MAP7: variants seen among roughly 807,000 people sequenced by gnomAD.
MAP7 encodes the protein microtubule associated protein 7, also known as ensconsin.
In MAP7, 52 loss-of-function variants were observed where a neutral mutation model predicts 94.8. The observed-to-expected ratio is 0.55, with a 90% CI of 0.44 to 0.69. MAP7 has a LOEUF of 0.69. Among genes scored for constraint, MAP7 ranks in the 30% least tolerant of loss-of-function variants. The pLI is 0.00. For synonymous variants in MAP7, 350 were observed against 357.0 expected (o/e 0.98, Z 0.22); for missense variants, 940 against 964.6 (o/e 0.97, Z 0.34).
intron 1 of MAP7, among the ~76,000 whole-genome samples, chr6:136,465,126 C>T (rs1015586598): frequency 5.3e-5 from 8 of 152,116 alleles, no homozygotes; most frequent in Admixed American, 1.3e-4. Context: ...GAGGACAGCT[C>T]CCCCTGCACC....
Position 136,495,453 on chromosome 6 carries a change from T to TACAC in MAP7, c.67+54885_67+54888dup, listed in dbSNP as rs55923280. Among the ~76,000 whole-genome samples, 1,717 of 143,012 alleles carry TACAC rather than the reference T, an allele frequency of 0.012. 52 individuals carry two copies. The East Asian group carries it at 0.13, about 11-fold the overall frequency. The allele number at this position is 143,012 out of a possible 152,430, so 93.8% of individuals were successfully genotyped here. A position where few individuals can be genotyped will look rare whatever the true frequency, so the allele number is the denominator to read the frequency against. On this transcript the variant is annotated intron_variant, in intron 1 of 17. Transcript: ENST00000354570. Reference sequence around the variant, plus strand: ...TCATGACAAGTGAGAAGTGTGAGAATACACACACACACACACACACACACA... The same window carrying TACAC: ...TCATGACAAGTGAGAAGTGTGAGAATACACACACACACACACACACACACACACA...
At chr6:136,535,242 C>G (rs547557412) in intron 1 of MAP7, among the ~76,000 whole-genome samples, 1 of 152,104 alleles carries the variant, frequency 6.6e-6, no homozygotes, top group African/African-American at 2.4e-5. Context: ...AGTCTGGGAC[C>G]TCCCCTCACA....
chr6:136,543,114 C>T (rs1829457631), intron 1 of MAP7, among the ~76,000 whole-genome samples: 1 of 152,036 alleles, frequency 6.6e-6, no homozygotes, highest in South Asian at 2.1e-4. Flanking sequence ...AGGTATTTAC[C>T]CAGAATAGAT....
intron 1 of MAP7, among the ~76,000 whole-genome samples, chr6:136,454,545 G>A (rs1346576539): frequency 6.6e-6 from 1 of 151,826 alleles, no homozygotes; most frequent in African/African-American, 2.4e-5. Flanking sequence ...CGACCCTCAC[G>A]CCTTAGCCTC....
intron 1 of MAP7, among the ~76,000 whole-genome samples, chr6:136,439,029 A>C (rs1270294530): frequency 6.6e-6 from 1 of 152,218 alleles, no homozygotes; most frequent in East Asian, 1.9e-4. Context: ...TGTTTCATTG[A>C]AGTGAGATCT....
At chr6:136,425,635 C>T (rs1010825644) in intron 1 of MAP7, among the ~76,000 whole-genome samples, 15 of 151,984 alleles carry the variant, frequency 9.9e-5, no homozygotes, top group African/African-American at 3.4e-4. Context: ...TTGTAACACT[C>T]GAATCATAGG....
intron 16 of MAP7, among the ~76,000 whole-genome samples, 168 bp downstream of exon 16, chr6:136,356,524 G>GA (rs75632897): frequency 0.29 from 44,324 of 151,906 alleles, 7,826 homozygotes; most frequent in Non-Finnish European, 0.39. Flanking sequence ...AATGACTTGA[G>GA]AAAAAAGATA....
In MAP7 at chr6:136,485,555, A is replaced by ATTTTTTTT. The variant is rs747333121; in HGVS notation, c.68-63764_68-63757dup. ...GACTTAATGATCAATTCCACTTCAG[A>ATTTTTTTT]TTTTTTTTTTTTTTTTTTTTTTTTT... On this transcript the variant is annotated intron_variant, in intron 1 of 17. Coordinates refer to ENST00000354570, the MANE Select transcript of MAP7 (RefSeq NM_003980.6). Among the ~76,000 whole-genome samples, 131 of 98,124 alleles carry ATTTTTTTT rather than the reference A, an allele frequency of 1.3e-3. 3 individuals are homozygous for ATTTTTTTT. Among genetic ancestry groups the ATTTTTTTT allele is most frequent in the African/African-American group, 3.7e-3 (84 of 22,412 alleles). 64.4% of individuals were successfully genotyped at this position (98,124 alleles called of 152,430 possible).
At chr6:136,530,833 C>T (rs1165784165) in intron 1 of MAP7, among the ~76,000 whole-genome samples, 1 of 145,062 alleles carries the variant, frequency 6.9e-6, no homozygotes, top group African/African-American at 2.9e-5. Context: ...GTAAATACTG[C>T]CCTAGTAGCG....
At chr6:136,543,639 G>A (rs757307423) in intron 1 of MAP7, among the ~76,000 whole-genome samples, 2 of 151,746 alleles carry the variant, frequency 1.3e-5, no homozygotes, top group Non-Finnish European at 2.9e-5. Context: ...GGCAACAAGA[G>A]TAAAACTCCG....
chr6:136,490,144 T>A (rs1208043082), intron 1 of MAP7, among the ~76,000 whole-genome samples: 1 of 152,164 alleles, frequency 6.6e-6, no homozygotes, highest in Non-Finnish European at 1.5e-5. Flanking sequence ...TATTATTAAG[T>A]TCTTTCAAAA....
intron 5 of MAP7, among the ~76,000 whole-genome samples, chr6:136,385,021 A>G (rs750417243): frequency 1.3e-5 from 2 of 152,128 alleles, no homozygotes; most frequent in Non-Finnish European, 2.9e-5. Context: ...TTTTTGCTGT[A>G]TTTTGTTTTA....
intron 1 of MAP7, among the ~76,000 whole-genome samples, chr6:136,503,354 T>C (rs1019775886): frequency 6.9e-6 from 1 of 144,834 alleles, no homozygotes; most frequent in African/African-American, 2.6e-5. Context: ...GTCAACTCGA[T>C]GTGGTTCCAA....
chr6:136,355,092 T>G (rs1235887814), intron 16 of MAP7, among the ~76,000 whole-genome samples: 2 of 151,972 alleles, frequency 1.3e-5, no homozygotes, highest in African/African-American at 4.8e-5. Flanking sequence ...GTGTGTCTCC[T>G]TGAACCCAGG....
In MAP7 at chr6:136,365,920, G is replaced by A. The variant is rs1328249245; in HGVS notation, c.1088C>T (p.Pro363Leu). 3 of 1,614,026 alleles carry A rather than the reference G, an allele frequency of 1.9e-6. No homozygotes were observed. Among genetic ancestry groups the A allele is most frequent in the Non-Finnish European group, 2.5e-6 (3 of 1,180,044 alleles). Residue 363 changes from proline (P) to leucine (L), a missense_variant, in exon 10 of 18, where the codon CCC (proline) becomes CTC (leucine). Coordinates refer to ENST00000354570, the MANE Select transcript of MAP7 (RefSeq NM_003980.6). ...AGGGCGGATGTTGCCGGGGGATGGG[G>A]GCCGGACCTGAGCAGGAGCAGCTTT... is the stretch of plus-strand genomic sequence containing the variant. ...SVKAAPAQVRPPSPGNIRPVK... is the reference protein window; with the variant it reads ...SVKAAPAQVRLPSPGNIRPVK...
intron 1 of MAP7, chr6:136,466,649 T>A: frequency 1.0e-6 from 1 of 1,001,532 alleles, no homozygotes; most frequent in Non-Finnish European, 1.4e-6. Flanking sequence ...TTTCCTACTC[T>A]GTACTTCCAC....
chr6:136,466,910 C>T, intron 1 of MAP7: 1 of 1,482,966 alleles, frequency 6.7e-7, no homozygotes, highest in Non-Finnish European at 8.9e-7. Flanking sequence ...TAACTATTAT[C>T]TCTCACACAG....
At chr6:136,418,504 CG>C (rs1790249699) in intron 2 of MAP7, among the ~76,000 whole-genome samples, 1 of 152,176 alleles carries the variant, frequency 6.6e-6, no homozygotes, top group African/African-American at 2.4e-5. Flanking sequence ...CGTGAGCCAC[CG>C]GCGCCTGGCC....
At chr6:136,421,662 T>C (rs1225833884) in intron 2 of MAP7, 39 bp downstream of exon 2, 10 of 1,541,590 alleles carry the variant, frequency 6.5e-6, no homozygotes, top group East Asian at 2.2e-5. Flanking sequence ...GCATAAAAGA[T>C]AACCTTTATT....
Sources: gnomAD v4.1 joint callset for allele counts (sites outside exome capture counted in the v4.1 genomes callset) on GRCh38, gnomAD v4.1.1 for gene constraint, MANE v1.5 for transcripts, NCBI Gene and HGNC (gene_info 2026-07-23, HGNC 2026-07-21) for gene names.